Variants in ABCA6 observed in about 807,000 individuals in gnomAD.
ABCA6 encodes the protein ATP binding cassette subfamily A member 6.
ABCA6 carries 164 observed loss-of-function variants against 191.2 expected under a neutral mutation model. The observed-to-expected ratio is 0.86, with a 90% CI of 0.76 to 0.98. The LOEUF is 0.98. Ranked by LOEUF, ABCA6 falls within the 50% of genes least tolerant of loss-of-function variation. The pLI, the probability that ABCA6 is intolerant of heterozygous loss-of-function variation, is 0.00. For missense variants in ABCA6, 1,958 were observed against 1,894.1 expected (o/e 1.03, Z -0.63); for synonymous variants, 636 against 647.7 (o/e 0.98, Z 0.27).
intron 25 of ABCA6, among the ~76,000 whole-genome samples, chr17:69,091,780 C>T (rs2072929025): frequency 5.2e-5 from 1 of 19,296 alleles, no homozygotes; most frequent in Admixed American, 4.0e-4. Context: ...CCTCGGCCTC[C>T]CAAAGTGCTG....
rs1321427056 is a variant in ABCA6, at chr17:69,117,960, A to G, written c.1437-4T>C. The G allele has an allele frequency of 6.3e-7, 1 of 1,586,896 alleles. No homozygotes were observed. The highest frequency in any genetic ancestry group is 1.7e-5 in the Admixed American group (1 of 58,504). On this transcript the variant is annotated splice_polypyrimidine_tract_variant and splice_region_variant and intron_variant, in intron 10 of 38. Coordinates refer to ENST00000284425, the MANE Select transcript of ABCA6 (RefSeq NM_080284.3). ...TTCCTTCTTAACATTTCTGATTCTG[A>G]AATAACAAAAAGGGTGCTTACTTAG...
intron 21 of ABCA6, among the ~76,000 whole-genome samples, chr17:69,101,595 CAAA>C (rs528243690): frequency 4.0e-5 from 3 of 75,652 alleles, no homozygotes; most frequent in African/African-American, 4.9e-5. Flanking sequence ...GACTCTGTCT[CAAA>C]AAAAAAAAAA....
At chr17:69,127,241 T>C (rs1350281815) in intron 8 of ABCA6, among the ~76,000 whole-genome samples, 1 of 152,182 alleles carries the variant, frequency 6.6e-6, no homozygotes, top group Non-Finnish European at 1.5e-5. Context: ...TAGGCAATGA[T>C]TCCTTACATT....
At position 69,132,858 on chromosome 17, in the gene ABCA6, A is replaced by G. The variant is rs555576948; in HGVS notation, c.791+783T>C. On this transcript the variant is annotated intron_variant, in intron 6 of 38. Transcript: ENST00000284425. ...AATACATATCTATCTACCTACATACATATATACATACATGAGTGTGTGTGT... is the reference window on the plus strand; with the variant it reads ...AATACATATCTATCTACCTACATACGTATATACATACATGAGTGTGTGTGT... Among the ~76,000 whole-genome samples, 9 of 129,180 alleles carry G rather than the reference A, an allele frequency of 7.0e-5. No homozygotes were observed. The East Asian group carries it at 1.5e-3, about 21-fold the overall frequency. The allele number at this position is 129,180 out of a possible 152,430, so 84.7% of individuals were successfully genotyped here.
chr17:69,085,921 G>T (rs181839214), intron 30 of ABCA6, among the ~76,000 whole-genome samples: 190 of 152,286 alleles, frequency 1.2e-3, no homozygotes, highest in African/African-American at 4.5e-3. Flanking sequence ...TAATGAATTT[G>T]ATGTCAATAC....
rs778700385 is a variant in ABCA6 at position 69,129,596 on chromosome 17, A to G, written c.933+14T>C. The G allele has an allele frequency of 6.4e-7, 1 of 1,573,100 alleles. No individual in the cohort carries two copies. Among genetic ancestry groups the G allele is most frequent in the South Asian group, 1.1e-5 (1 of 87,596 alleles). On this transcript the variant is annotated intron_variant, in intron 7 of 38. Transcript: ENST00000284425. ...TCTAAAGCAGAGAAAGTGGTAATAA[A>G]TGTATCAACTTACCAAAGATAAGCC... is the stretch of plus-strand genomic sequence containing the variant.
chr17:69,117,766 A>T (rs2073563569), intron 11 of ABCA6, 132 bp downstream of exon 11: 3 of 628,226 alleles, frequency 4.8e-6, no homozygotes, highest in Non-Finnish European at 8.3e-6. Flanking sequence ...TTAATGTCCA[A>T]GTGATAGCGT....
At chr17:69,087,499 A>G (rs753239044) in intron 28 of ABCA6, 26 bp from the exon 29 acceptor site, 10 of 1,612,618 alleles carry the variant, frequency 6.2e-6, no homozygotes, top group Non-Finnish European at 8.5e-6. Context: ...AATGTGTTAC[A>G]TGTGGTATTC....
chr17:69,127,988 A>G (rs1393873514), intron 8 of ABCA6, among the ~76,000 whole-genome samples: 4 of 152,158 alleles, frequency 2.6e-5, no homozygotes, highest in Non-Finnish European at 5.9e-5. Flanking sequence ...GAATGAAAAA[A>G]GAGATTTTCA....
intron 2 of ABCA6, among the ~76,000 whole-genome samples, chr17:69,140,118 TAAA>T (rs1440580047): frequency 6.6e-6 from 1 of 151,748 alleles, no homozygotes; most frequent in Non-Finnish European, 1.5e-5. Context: ...AAATAAAAAA[TAAA>T]AAAATAAACA....
rs1012221186 is a variant in ABCA6, at chr17:69,140,820, A to T, written c.-45-72T>A. 4 of 477,560 alleles carry T rather than the reference A, an allele frequency of 8.4e-6. No individual in the cohort carries two copies. In the Admixed American group the frequency reaches 1.7e-4, roughly 20 times the overall value. The allele number at this position is 477,560 out of a possible 1,614,324, so 29.6% of individuals were successfully genotyped here. On this transcript the variant is annotated intron_variant, in intron 1 of 38. Transcript: ENST00000284425. ...AGGAAAATATTTACTACCTTTAAAA[A>T]GTGTAAACATGAATTTAAAATATTA...
At chr17:69,117,847 T>C (rs1039874866) in intron 11 of ABCA6, 51 bp downstream of exon 11, 12 of 1,356,354 alleles carry the variant, frequency 8.8e-6, no homozygotes, top group African/African-American at 3.0e-5. Context: ...TTCCCTTTTT[T>C]ATAATAAAGA....
chr17:69,115,264 A>T, intron 12 of ABCA6, 112 bp downstream of exon 12: 1 of 721,974 alleles, frequency 1.4e-6, no homozygotes, highest in Non-Finnish European at 2.1e-6. Context: ...ACAACTTTAG[A>T]TAAACATTAT....
intron 20 of ABCA6, chr17:69,104,927 C>T (rs561913251): frequency 9.0e-4 from 139 of 153,646 alleles, no homozygotes; most frequent in Admixed American, 2.4e-3. Context: ...TTGCATTGAA[C>T]CAAGATCACA....
chr17:69,096,674 T>C lies in ABCA6; in HGVS notation c.3248A>G (p.Glu1083Gly). The C allele has an allele frequency of 1.3e-6, 2 of 1,572,170 alleles. No individual in the cohort carries two copies. Among genetic ancestry groups the C allele is most frequent in the Non-Finnish European group, 1.7e-6 (2 of 1,164,242 alleles). ...TGTAATAAGAAGGTACTGCATGTTT[T>C]CTATGTAGAAAATTAAATACATTAA... ...LLLMYLIFYI[E>G]NMQYLLITSQ... Residue 1083 changes from glutamate (E) to glycine (G), a missense_variant, in exon 24 of 39, where the codon GAA (glutamate) becomes GGA (glycine). Transcript: ENST00000284425.
chr17:69,141,311 A>T (rs2074021752), intron 1 of ABCA6, among the ~76,000 whole-genome samples: 1 of 152,090 alleles, frequency 6.6e-6, no homozygotes, highest in Non-Finnish European at 1.5e-5. Flanking sequence ...ATTCTGAGAT[A>T]CAGGAAGAAT....
At position 69,102,928 on chromosome 17, in the gene ABCA6, T is replaced by C. The variant is rs754301838; in HGVS notation, c.2781A>G (p.Gln927=). The part of the protein sequence containing the change: ...IEDFIKSLKH[Q]NILLEVDDFE... Reference sequence around the variant, plus strand: ...AGTCATCTACTTCCAAAAGTATATTTTGATGCTTCAGTGATTTTATAAAAT... The same window carrying C: ...AGTCATCTACTTCCAAAAGTATATTCTGATGCTTCAGTGATTTTATAAAAT... Residue 927 remains glutamine, a synonymous_variant, in exon 21 of 39, where the codon CAA becomes CAG. Transcript: ENST00000284425. 1 of 1,568,978 alleles carries C rather than the reference T, an allele frequency of 6.4e-7. No individual in the cohort carries two copies. Among genetic ancestry groups the C allele is most frequent in the Admixed American group, 1.8e-5 (1 of 56,854 alleles).
Position 69,096,785 on chromosome 17 carries a change from T to C in ABCA6, c.3137A>G (p.Gln1046Arg). 1 of 1,529,692 alleles carries C rather than the reference T, an allele frequency of 6.5e-7. No individual in the cohort carries two copies. The highest frequency in any genetic ancestry group is 8.7e-7 in the Non-Finnish European group (1 of 1,149,616). 94.8% of individuals were successfully genotyped at this position (1,529,692 alleles called of 1,614,324 possible). Reference sequence around the variant, plus strand: ...AGTGTAGAGGCCTGAAATCCATAGCTGGGACTTAGCATTTTTCTGATTAAA... The same window carrying C: ...AGTGTAGAGGCCTGAAATCCATAGCCGGGACTTAGCATTTTTCTGATTAAA... ...ISDYKKNAKS[Q>R]LWISGLYTSA... The change falls in exon 24 of 39, where the codon CAG becomes CGG. Residue 1046 changes from glutamine to arginine, a missense_variant. By Grantham distance (43) the Gln-to-Arg change is conservative. Transcript: ENST00000284425.
Position 69,083,217 on chromosome 17 carries a change from C to T in ABCA6, c.4470G>A (p.Arg1490=). The T allele has an allele frequency of 1.3e-6, 2 of 1,595,684 alleles. No homozygotes were observed. The highest frequency in any genetic ancestry group is 1.7e-6 in the Non-Finnish European group (2 of 1,174,418). The change falls in exon 35 of 39, where the codon AGG becomes AGA. Residue 1490 remains arginine (R), a synonymous_variant. Transcript: ENST00000284425. ...CDRVAIMVSG[R]LRCIGSIQHL... is the part of the protein sequence containing the mutation. ...GGCTTCGGAGAGACACCCACCTAAG[C>T]CTTCCAGACACCATGATGGCCACAC...
Sources: allele counts gnomAD v4.1 joint callset (sites outside exome capture counted in the v4.1 genomes callset), GRCh38; gene constraint gnomAD v4.1.1; transcripts MANE v1.5; gene names NCBI Gene and HGNC (gene_info 2026-07-23, HGNC 2026-07-21).